Variants in ADK observed in about 807,000 individuals in gnomAD.
ADK encodes N6,N6-dimethyladenosine kinase.
A neutral mutation model predicts 44.7 loss-of-function variants in ADK; 24 were observed. The ratio of observed to expected loss-of-function variants is 0.54; its 90% CI spans 0.39 to 0.76. The LOEUF is 0.76. ADK is among the 30% of genes least tolerant of loss of function. The probability of loss-of-function intolerance (pLI) is 0.00; values close to 1 mark genes in which losing one functional copy is unlikely to be tolerated. For synonymous variants in ADK, 128 were observed against 142.6 expected, an observed-to-expected ratio of 0.90 and a Z score of 0.73; for missense variants, 321 against 425.1, an observed-to-expected ratio of 0.76 and a Z score of 2.15.
intron 8 of ADK, among the ~76,000 whole-genome samples, chr10:74,591,866 A>G (rs573302302): frequency 8.3e-4 from 127 of 152,134 alleles, no homozygotes; most frequent in African/African-American, 2.9e-3. Context: ...ATAAATCCCA[A>G]TCAGTTCCAA....
intron 6 of ADK, among the ~76,000 whole-genome samples, chr10:74,412,218 T>G (rs569584040): frequency 2.6e-5 from 4 of 152,178 alleles, no homozygotes; most frequent in African/African-American, 7.2e-5. Flanking sequence ...GTTTTACTCC[T>G]GTCACTCAGG....
intron 4 of ADK, among the ~76,000 whole-genome samples, chr10:74,326,292 C>T (rs761657072): frequency 3.3e-5 from 5 of 151,996 alleles, no homozygotes; most frequent in Non-Finnish European, 5.9e-5. Context: ...GAGAAGAATT[C>T]GTATTAGTTT....
chr10:74,659,603 A>G (rs1854622026), intron 9 of ADK, among the ~76,000 whole-genome samples: 1 of 152,228 alleles, frequency 6.6e-6, no homozygotes, highest in African/African-American at 2.4e-5. Context: ...TAGGATAGAT[A>G]TGTATCTATA....
chr10:74,303,588 G>GTTGTTTTTTTTTTTTTTTTTTTTTTTT (rs1840139803), intron 3 of ADK, among the ~76,000 whole-genome samples: 12 of 68,576 alleles, frequency 1.7e-4, no homozygotes, highest in African/African-American at 9.5e-4. Context: ...TTTTAATGTT[G>GTTGTTTTTTTTTTTTTTTTTTTTTTTT]TTTTTTTTTT....
intron 9 of ADK, among the ~76,000 whole-genome samples, chr10:74,620,462 A>G (rs1852953023): frequency 6.6e-6 from 1 of 152,184 alleles, no homozygotes. Flanking sequence ...TCTTCTTTAT[A>G]GATAAGTAGT....
chr10:74,387,680 A>G (rs1037471535), intron 4 of ADK, among the ~76,000 whole-genome samples: 2 of 152,152 alleles, frequency 1.3e-5, no homozygotes, highest in African/African-American at 4.8e-5. Context: ...TTCCAGTAAT[A>G]TGCTGCTTTT....
chr10:74,689,912 A>C (rs77764467), intron 10 of ADK, among the ~76,000 whole-genome samples: 35 of 152,342 alleles, frequency 2.3e-4, no homozygotes, highest in African/African-American at 8.4e-4. Flanking sequence ...CATCAGAATC[A>C]TCTGAACACT....
chr10:74,707,978 C>G (rs768113795), intron 10 of ADK, among the ~76,000 whole-genome samples: 1 of 151,892 alleles, frequency 6.6e-6, no homozygotes, highest in Non-Finnish European at 1.5e-5. Context: ...TGGTGAAACC[C>G]CATCTCTACT....
chr10:74,182,310 C>G (rs906078201), intron 1 of ADK, among the ~76,000 whole-genome samples: 2 of 151,656 alleles, frequency 1.3e-5, no homozygotes, highest in Non-Finnish European at 2.9e-5. Context: ...AAAATTGTTT[C>G]ATTTATGGAA....
chr10:74,407,341 T>C (rs1279091897), intron 6 of ADK, among the ~76,000 whole-genome samples: 2 of 152,226 alleles, frequency 1.3e-5, no homozygotes, highest in African/African-American at 4.8e-5. Flanking sequence ...GTTGACATTT[T>C]ATCTCTGACA....
intron 4 of ADK, among the ~76,000 whole-genome samples, chr10:74,342,572 A>G (rs1841615634): frequency 6.6e-6 from 1 of 152,112 alleles, no homozygotes; most frequent in Non-Finnish European, 1.5e-5. Flanking sequence ...TCCTAGGCCC[A>G]CCTGATTCTC....
At chr10:74,512,389 A>T (rs1015097393) in intron 6 of ADK, among the ~76,000 whole-genome samples, 2 of 141,958 alleles carry the variant, frequency 1.4e-5, no homozygotes, top group Admixed American at 7.3e-5. Flanking sequence ...CAGTGAAGCC[A>T]TCCAGTTCTG....
intron 9 of ADK, among the ~76,000 whole-genome samples, chr10:74,650,634 A>G (rs1394993172): frequency 2.0e-5 from 3 of 152,178 alleles, no homozygotes; most frequent in Admixed American, 2.0e-4. Flanking sequence ...TGTTTTTTCC[A>G]AGATTAACTA....
Position 74,550,775 on chromosome 10 carries a change from A to G in ADK, c.726+25349A>G, listed in dbSNP as rs1850007068. Among the ~76,000 whole-genome samples, 4 of 152,196 alleles carry G rather than the reference A, an allele frequency of 2.6e-5. No individual in the cohort carries two copies. The South Asian group carries it at 8.3e-4, about 31-fold the overall frequency. The stretch of plus-strand genomic sequence containing the variant: ...GTACTTGTAATTTTAATTTTAATTG[A>G]TTTATATCATTTTACTTATTAATAT... On this transcript the variant is annotated intron_variant, in intron 7 of 10. Transcript: ENST00000539909.
chr10:74,421,144 A>G (rs1592187210), intron 6 of ADK, among the ~76,000 whole-genome samples: 1 of 152,286 alleles, frequency 6.6e-6, no homozygotes, highest in East Asian at 1.9e-4. Flanking sequence ...TGGGTGGGGG[A>G]AAAGGAGCTG....
At chr10:74,291,186 G>A (rs931584410) in intron 3 of ADK, among the ~76,000 whole-genome samples, 4 of 152,170 alleles carry the variant, frequency 2.6e-5, no homozygotes, top group African/African-American at 7.2e-5. Context: ...GGAGGCTGAG[G>A]TGGGCGGATC....
intron 2 of ADK, among the ~76,000 whole-genome samples, chr10:74,221,942 A>T (rs142418908): frequency 6.6e-6 from 1 of 152,234 alleles, no homozygotes; most frequent in Non-Finnish European, 1.5e-5. Flanking sequence ...AGGCATTACT[A>T]TTCAGGACAT....
intron 1 of ADK, among the ~76,000 whole-genome samples, chr10:74,169,184 ACTT>A (rs72351608): frequency 0.13 from 19,769 of 151,990 alleles, 1,273 homozygotes; most frequent in Middle Eastern, 0.2. Context: ...GTGCCAGTAC[ACTT>A]CAGCCTGCGT....
At chr10:74,512,808 G>A (rs1848394598) in intron 6 of ADK, among the ~76,000 whole-genome samples, 1 of 150,570 alleles carries the variant, frequency 6.6e-6, no homozygotes, top group Non-Finnish European at 1.5e-5. Context: ...ATTAATTTTG[G>A]GTTTAGTTTA....
Sources: allele counts gnomAD v4.1 joint callset (sites outside exome capture counted in the v4.1 genomes callset), GRCh38; gene constraint gnomAD v4.1.1; transcripts MANE v1.5; gene names NCBI Gene and HGNC (gene_info 2026-07-23, HGNC 2026-07-21).